GRID1: variants seen among roughly 807,000 people sequenced by gnomAD.
The protein encoded by GRID1 is glutamate receptor ionotropic, delta-1.
A neutral mutation model predicts 98.0 loss-of-function variants in GRID1; 28 were observed. The observed-to-expected ratio is 0.29, with a 90% CI of 0.21 to 0.39. GRID1 has a LOEUF of 0.39. GRID1 is among the 10% of genes least tolerant of loss of function. The probability of loss-of-function intolerance (pLI) is 1.00; values close to 1 mark genes in which losing one functional copy is unlikely to be tolerated. For synonymous variants in GRID1, 553 were observed against 538.5 expected (o/e 1.03, Z -0.37); for missense variants, 1,111 against 1,340.5 (o/e 0.83, Z 2.67).
intron 4 of GRID1, among the ~76,000 whole-genome samples, chr10:85,926,937 C>T (rs1048650857): frequency 6.6e-6 from 1 of 152,104 alleles, no homozygotes; most frequent in Non-Finnish European, 1.5e-5. Context: ...TGTAAAGAAC[C>T]CTGTATCTGT....
chr10:86,199,977 T>A (rs558560367), intron 3 of GRID1, among the ~76,000 whole-genome samples: 2 of 151,916 alleles, frequency 1.3e-5, no homozygotes, highest in South Asian at 2.1e-4. Context: ...TTTCTGGGGA[T>A]CCTGAGCATC....
chr10:85,944,167 C>T (rs1842027495), intron 4 of GRID1, among the ~76,000 whole-genome samples: 1 of 152,216 alleles, frequency 6.6e-6, no homozygotes, highest in Non-Finnish European at 1.5e-5. Context: ...AAGCCAAGAC[C>T]AGTAACAGAA....
chr10:86,171,254 C>T (rs1458633774), intron 3 of GRID1, among the ~76,000 whole-genome samples: 1 of 152,164 alleles, frequency 6.6e-6, no homozygotes, highest in East Asian at 1.9e-4. Flanking sequence ...CTCAAGAGAA[C>T]CACTAGGGAA....
chr10:85,957,771 C>T (rs1053837950), intron 4 of GRID1, among the ~76,000 whole-genome samples: 1 of 152,148 alleles, frequency 6.6e-6, no homozygotes, highest in Non-Finnish European at 1.5e-5. Context: ...GCCACCCATT[C>T]CCAGGTAACT....
chr10:86,069,518 G>A (rs1843769698), intron 4 of GRID1, among the ~76,000 whole-genome samples: 3 of 152,128 alleles, frequency 2.0e-5, no homozygotes, highest in Admixed American at 2.0e-4. Context: ...TGTGGTGGCG[G>A]GTGCCTGTAG....
At chr10:85,653,678 T>C (rs1430711004) in intron 12 of GRID1, among the ~76,000 whole-genome samples, 5 of 152,224 alleles carry the variant, frequency 3.3e-5, no homozygotes, top group African/African-American at 1.2e-4. Context: ...ATGAAGACTC[T>C]GTCTTGATGA....
At chr10:86,314,371 T>A (rs971174687) in intron 2 of GRID1, among the ~76,000 whole-genome samples, 3 of 152,136 alleles carry the variant, frequency 2.0e-5, no homozygotes, top group Non-Finnish European at 2.9e-5. Context: ...GTAGGTGGCA[T>A]AAAGGTGGCT....
chr10:85,672,011 T>C (rs1009468014), intron 12 of GRID1, among the ~76,000 whole-genome samples: 1 of 152,160 alleles, frequency 6.6e-6, no homozygotes, highest in Non-Finnish European at 1.5e-5. Context: ...GTTCATGAGG[T>C]TTAAGGAATG....
At chr10:85,754,295 T>C (rs112579790) in intron 8 of GRID1, among the ~76,000 whole-genome samples, 3,308 of 152,308 alleles carry the variant, frequency 0.022, 121 homozygotes, top group African/African-American at 0.074. Context: ...CAAGCATTTA[T>C]TGAAGGCTGC....
chr10:86,074,587 T>C (rs1380751622), intron 4 of GRID1, among the ~76,000 whole-genome samples: 2 of 152,224 alleles, frequency 1.3e-5, no homozygotes, highest in African/African-American at 4.8e-5. Context: ...ATTTTCATTA[T>C]CCATTCAGCC....
At chr10:86,307,745 G>A (rs1484760978) in intron 2 of GRID1, among the ~76,000 whole-genome samples, 1 of 152,176 alleles carries the variant, frequency 6.6e-6, no homozygotes, top group Non-Finnish European at 1.5e-5. Context: ...TCATTAGCCT[G>A]ATTCTGGTGA....
intron 3 of GRID1, among the ~76,000 whole-genome samples, chr10:86,159,614 A>C (rs111678536): frequency 6.6e-6 from 1 of 152,228 alleles, no homozygotes; most frequent in South Asian, 2.1e-4. Flanking sequence ...GCAATGCACA[A>C]CTATATTTCT....
intron 2 of GRID1, among the ~76,000 whole-genome samples, chr10:86,339,122 A>G (rs147674770): frequency 2.0e-3 from 304 of 152,314 alleles, no homozygotes; most frequent in African/African-American, 5.8e-3. Flanking sequence ...AGCACCCAAC[A>G]CAGTGCCTGG....
At chr10:86,202,329 G>A (rs1402630515) in intron 3 of GRID1, among the ~76,000 whole-genome samples, 1 of 152,216 alleles carries the variant, frequency 6.6e-6, no homozygotes, top group African/African-American at 2.4e-5. Flanking sequence ...TTTGAATGAA[G>A]GAGTCAATGA....
chr10:85,669,841 G>A (rs1841065077), intron 12 of GRID1, among the ~76,000 whole-genome samples: 1 of 152,146 alleles, frequency 6.6e-6, no homozygotes, highest in Non-Finnish European at 1.5e-5. Flanking sequence ...TTTAACATCT[G>A]AGCCTGAAGT....
chr10:85,936,321 T>C (rs75666427), intron 4 of GRID1, among the ~76,000 whole-genome samples: 4,653 of 152,316 alleles, frequency 0.031, 98 homozygotes, highest in Middle Eastern at 0.054. Flanking sequence ...CAGCTCTCCA[T>C]GGAAAAATTC....
At position 85,599,802 on chromosome 10, in the gene GRID1, A is replaced by AAAAAAAATATATATATATATAT; in HGVS notation, c.*2470_*2471insATATATATATATATATTTTTTT. 3 of 64,982 alleles carry AAAAAAAATATATATATATATAT rather than the reference A, an allele frequency of 4.6e-5. No individual in the cohort carries two copies. The highest frequency in any genetic ancestry group is 7.7e-5 in the Non-Finnish European group (3 of 38,786). 4.0% of individuals were successfully genotyped at this position (64,982 alleles called of 1,614,324 possible). On this transcript the variant is annotated 3_prime_UTR_variant, in exon 16 of 16. Transcript: ENST00000327946. ...GTAGAAAATTCTAAAAAAAAAAAAA[A>AAAAAAAATATATATATATATAT]ATATATATATATATATATAAACATG... is the stretch of plus-strand genomic sequence containing the variant.
chr10:86,004,325 C>T (rs569990439), intron 4 of GRID1, among the ~76,000 whole-genome samples: 1 of 152,320 alleles, frequency 6.6e-6, no homozygotes, highest in East Asian at 1.9e-4. Flanking sequence ...GATAGATATG[C>T]TGCCAAAAAG....
intron 8 of GRID1, among the ~76,000 whole-genome samples, chr10:85,834,357 TTCTG>T (rs548200433): frequency 2.0e-5 from 3 of 152,182 alleles, no homozygotes; most frequent in Non-Finnish European, 1.5e-5. Flanking sequence ...CAACCATAAA[TTCTG>T]TCTGTCTTTC....
Sources: allele counts gnomAD v4.1 joint callset (sites outside exome capture counted in the v4.1 genomes callset), GRCh38; gene constraint gnomAD v4.1.1; transcripts MANE v1.5; gene names NCBI Gene and HGNC (gene_info 2026-07-23, HGNC 2026-07-21).